TRIM24: variants seen among roughly 807,000 people sequenced by gnomAD.
The protein encoded by TRIM24 is transcription intermediary factor 1-alpha.
In TRIM24, 29 loss-of-function variants were observed where a neutral mutation model predicts 123.9. The observed-to-expected ratio is 0.23, with a 90% confidence interval of 0.17 to 0.32. The LOEUF is 0.32. Among genes scored for constraint, TRIM24 ranks in the 10% least tolerant of loss-of-function variants. The pLI is 1.00. For missense variants in TRIM24, 932 were observed against 1,295.3 expected (o/e 0.72, Z 4.31); for synonymous variants, 456 against 461.1 (o/e 0.99, Z 0.14).
intron 2 of TRIM24, chr7:138,514,550 C>T (rs1796357598): frequency 6.6e-6 from 1 of 152,152 alleles, no homozygotes; most frequent in African/African-American, 2.4e-5. Context: ...ACTTTTTGTA[C>T]ATGCTGTTCT....
chr7:138,505,886 A>G (rs1324117966), intron 2 of TRIM24, among the ~76,000 whole-genome samples: 1 of 152,226 alleles, frequency 6.6e-6, no homozygotes, highest in Non-Finnish European at 1.5e-5. Context: ...TGTTGAGATT[A>G]ATTCTACAGT....
In TRIM24 at chr7:138,532,229, A is replaced by G. The variant is rs1368753388; in HGVS notation, c.996+2999A>G. On this transcript the variant is annotated intron_variant, in intron 6 of 18. Coordinates refer to ENST00000343526, the MANE Select transcript of TRIM24 (RefSeq NM_015905.3). ...AAGCTCTTTAGTTTAATTAGATCCC[A>G]TTTGTCAATTTTGGCTTTTGTTGCC... is the stretch of plus-strand genomic sequence containing the variant. 2.6e-5 allele frequency among the ~76,000 whole-genome samples: 4 copies of G among 151,810 alleles called. No individual in the cohort carries two copies. In the East Asian group the frequency reaches 7.7e-4, roughly 29 times the overall value.
At position 138,460,749 on chromosome 7, in the gene TRIM24, G is replaced by A. The variant is rs760835241; in HGVS notation, c.201G>A (p.Ala67=). Residue 67 remains alanine (A), a synonymous_variant, in exon 1 of 19, where the codon GCG becomes GCA. Coordinates refer to ENST00000343526, the MANE Select transcript of TRIM24 (RefSeq NM_015905.3). The part of the protein sequence containing the change: ...AVCHQNIQSR[A]PKLLPCLHSF... The stretch of plus-strand genomic sequence containing the variant: ...GCCACCAGAACATCCAGAGCCGGGC[G>A]CCCAAGCTGCTGCCCTGCCTGCACT... 1.3e-6 allele frequency: 2 copies of A among 1,577,086 alleles called. No homozygotes were observed. The highest frequency in any genetic ancestry group is 1.4e-5 in the African/African-American group (1 of 71,072).
At position 138,547,311 on chromosome 7, in the gene TRIM24, C is replaced by T. The variant is rs1178534101; in HGVS notation, c.1144-3752C>T. ...AATTAGATAGGAGGAATAAGTTCAC[C>T]AGAGCTATTATACGACATGAGACCT... is the stretch of plus-strand genomic sequence containing the variant. On this transcript the variant is annotated intron_variant, in intron 7 of 18. Transcript: ENST00000343526. Among the ~76,000 whole-genome samples the T allele has an allele frequency of 2.0e-5, 3 of 152,162 alleles. No individual in the cohort carries two copies. The East Asian group carries it at 5.8e-4, about 29-fold the overall frequency.
chr7:138,580,436 A>G, intron 15 of TRIM24, 126 bp from the exon 16 acceptor site: 1 of 1,200,192 alleles, frequency 8.3e-7, no homozygotes, highest in Admixed American at 2.3e-5. Context: ...GTAAATGCTC[A>G]GTGATTAAAA....
At chr7:138,568,408 TTA>T (rs1491102607) in intron 10 of TRIM24, among the ~76,000 whole-genome samples, 33 of 131,286 alleles carry the variant, frequency 2.5e-4, no homozygotes, top group African/African-American at 9.9e-4. Context: ...TTTTTTTTTT[TTA>T]AAGTCTCTCT....
chr7:138,460,800 G>T lies in TRIM24; in HGVS notation c.252G>T (p.Ala84=). The change falls in exon 1 of 19, where the codon GCG becomes GCT. Residue 84 remains alanine, a synonymous_variant. Coordinates refer to ENST00000343526, the MANE Select transcript of TRIM24 (RefSeq NM_015905.3). Reference sequence around the variant, plus strand: ...CTTTCTGCCAGCGCTGCCTGCCCGCGCCCCAGCGCTACCTCATGCTGCCCG... The same window carrying T: ...CTTTCTGCCAGCGCTGCCTGCCCGCTCCCCAGCGCTACCTCATGCTGCCCG... ...LHSFCQRCLP[A]PQRYLMLPAP... 6.3e-7 allele frequency: 1 copy of T among 1,582,082 alleles called. No homozygotes were observed. Among genetic ancestry groups the T allele is most frequent in the South Asian group, 1.1e-5 (1 of 88,074 alleles).
At chr7:138,584,359 T>C (rs1797968390) in intron 18 of TRIM24, among the ~76,000 whole-genome samples, 2 of 152,248 alleles carry the variant, frequency 1.3e-5, no homozygotes, top group South Asian at 4.1e-4. Flanking sequence ...TGTCAGTTCA[T>C]CTACACATCA....
At chr7:138,568,391 T>G (rs1209990892) in intron 10 of TRIM24, among the ~76,000 whole-genome samples, 7 of 137,910 alleles carry the variant, frequency 5.1e-5, no homozygotes, top group African/African-American at 5.3e-5. Flanking sequence ...TTTTTTTTTT[T>G]TTTTTTTTTT....
At chr7:138,518,305 C>A (rs1419896934) in intron 3 of TRIM24, among the ~76,000 whole-genome samples, 3 of 152,046 alleles carry the variant, frequency 2.0e-5, no homozygotes, top group African/African-American at 7.2e-5. Flanking sequence ...ATATGTACTT[C>A]CATACTTAGA....
At position 138,460,716 on chromosome 7, in the gene TRIM24, C is replaced by T. The variant is rs1457737707; in HGVS notation, c.168C>T (p.Cys56=). 1.3e-6 allele frequency: 2 copies of T among 1,570,512 alleles called. No homozygotes were observed. The highest frequency in any genetic ancestry group is 2.6e-5 in the East Asian group (1 of 39,140). The stretch of plus-strand genomic sequence containing the variant: ...CCCGGCTCAACCTGTTGGACACTTG[C>T]GCCGTGTGCCACCAGAACATCCAGA... ...EAARLNLLDT[C]AVCHQNIQSR... The change falls in exon 1 of 19, where the codon TGC becomes TGT. Residue 56 remains cysteine (C), a synonymous_variant. Transcript: ENST00000343526.
At position 138,576,419 on chromosome 7, in the gene TRIM24, T is replaced by C. The variant is rs1439868888; in HGVS notation, c.2061T>C (p.Ser687=). 1.9e-6 allele frequency: 3 copies of C among 1,613,916 alleles called. No homozygotes were observed. The East Asian group carries it at 6.7e-5, about 36-fold the overall frequency. Residue 687 remains serine (S), a synonymous_variant, in exon 13 of 19, where the codon AGT becomes AGC. Coordinates refer to ENST00000343526, the MANE Select transcript of TRIM24 (RefSeq NM_015905.3). ...TSVHPPIRSP[S]ASSVGSRGSS... The stretch of plus-strand genomic sequence containing the variant: ...TACACCCCCCAATACGTTCACCTAG[T>C]GCCTCCAGCGTTGGAAGCCGAGGAA...
In TRIM24 at chr7:138,585,912, G is replaced by A. The variant is rs1673203; in HGVS notation, c.*961G>A. 135,010 of 518,024 alleles carry A rather than the reference G, an allele frequency of 0.26. 19,155 individuals are homozygous for A. Among genetic ancestry groups the A allele is most frequent in the East Asian group, 0.48 (8,809 of 18,312 alleles). 32.1% of individuals were successfully genotyped at this position (518,024 alleles called of 1,614,324 possible). A position where few individuals can be genotyped will look rare whatever the true frequency, so the allele number is the denominator to read the frequency against. On this transcript the variant is annotated 3_prime_UTR_variant, in exon 19 of 19. Transcript: ENST00000343526. The stretch of plus-strand genomic sequence containing the variant: ...ATATAAGTTCCTCTGAAAGGGACTC[G>A]TTTTTGTGGTTTTCATCTGTCTATA...
chr7:138,501,430 C>T (rs1413038288), intron 1 of TRIM24, among the ~76,000 whole-genome samples: 2 of 151,890 alleles, frequency 1.3e-5, no homozygotes, highest in African/African-American at 4.8e-5. Flanking sequence ...GGGGTTTCCC[C>T]ATATTGACCA....
At chr7:138,582,541 CA>C (rs869142815) in intron 17 of TRIM24, among the ~76,000 whole-genome samples, 2,625 of 69,990 alleles carry the variant, frequency 0.038, 52 homozygotes, top group African/African-American at 0.11. Context: ...GACTCCGTCT[CA>C]AAAAAAAAAA....
intron 7 of TRIM24, among the ~76,000 whole-genome samples, chr7:138,539,438 G>C (rs1302822223): frequency 1.3e-5 from 2 of 152,272 alleles, no homozygotes; most frequent in African/African-American, 4.8e-5. Context: ...ATTCTGGTCA[G>C]GAGATCTGGG....
chr7:138,532,066 G>T (rs1048752452), intron 6 of TRIM24, among the ~76,000 whole-genome samples: 62 of 151,676 alleles, frequency 4.1e-4, no homozygotes, highest in African/African-American at 1.5e-3. Context: ...GGGGTTGTTT[G>T]TTTTTTTCTT....
intron 2 of TRIM24, among the ~76,000 whole-genome samples, chr7:138,513,711 A>C (rs555047581): frequency 6.6e-6 from 1 of 152,218 alleles, no homozygotes; most frequent in African/African-American, 2.4e-5. Context: ...ACAGTTCAGC[A>C]TGAGATTTGG....
At position 138,567,595 on chromosome 7, in the gene TRIM24, C is replaced by G. The variant is rs1797561760; in HGVS notation, c.1645C>G (p.Gln549Glu). ...TCCACCAAACCAGAACATACCACGA[C>G]AAGCAATAAAGCCAAACCCCCTACA... The part of the protein sequence containing the change: ...RYPPNQNIPR[Q>E]AIKPNPLQMA... Residue 549 changes from glutamine to glutamate, a missense_variant, in exon 10 of 19, where the codon CAA (glutamine) becomes GAA (glutamate). This residue lies in a region of TRIM24 where 527 missense variants were observed against 691.3 expected (regional missense o/e 0.76). Transcript: ENST00000343526. 2 of 1,613,754 alleles carry G rather than the reference C, an allele frequency of 1.2e-6. No individual in the cohort carries two copies. The highest frequency in any genetic ancestry group is 1.7e-6 in the Non-Finnish European group (2 of 1,179,886).
Sources: allele counts gnomAD v4.1 joint callset (sites outside exome capture counted in the v4.1 genomes callset), GRCh38; gene constraint gnomAD v4.1.1; regional missense constraint gnomAD v4.1.1; transcripts MANE v1.5; gene names NCBI Gene and HGNC (gene_info 2026-07-23, HGNC 2026-07-21).